The following NREP variants were observed in gnomAD, a reference collection of about 807,000 sequenced individuals.
NREP encodes the protein neuronal regeneration related protein, also known as neuronal regeneration-related protein.
In NREP, 5 loss-of-function variants were observed where a neutral mutation model predicts 8.6. The observed-to-expected ratio is 0.58, with a 90% CI of 0.30 to 1.22. The LOEUF (loss-of-function observed/expected upper bound fraction) is 1.22. Ranked by LOEUF, NREP falls within the 50% of genes most tolerant of loss-of-function variation. The pLI, the probability that NREP is intolerant of heterozygous loss-of-function variation, is 0.07. For synonymous variants in NREP, 27 were observed against 28.0 expected, an observed-to-expected ratio of 0.96 and a Z score of 0.11; for missense variants, 86 against 82.5, an observed-to-expected ratio of 1.04 and a Z score of -0.17.
At chr5:111,970,491 C>G (rs1250706648) in intron 2 of NREP, among the ~76,000 whole-genome samples, 1 of 152,098 alleles carries the variant, frequency 6.6e-6, no homozygotes, top group African/African-American at 2.4e-5. Context: ...CCATTCCCCA[C>G]CACCTCATCA....
intron 2 of NREP, among the ~76,000 whole-genome samples, chr5:111,836,771 A>G (rs910410809): frequency 6.6e-6 from 1 of 152,074 alleles, no homozygotes; most frequent in African/African-American, 2.4e-5. Flanking sequence ...AAGACCTGGT[A>G]ACTGAGGAGG....
intron 2 of NREP, among the ~76,000 whole-genome samples, chr5:111,806,209 C>A (rs1051703662): frequency 2.6e-5 from 4 of 152,106 alleles, no homozygotes; most frequent in Admixed American, 6.5e-5. Flanking sequence ...TGTGTCTCTA[C>A]CCTTGTCCCA....
Position 111,964,863 on chromosome 5 carries a change from A to T in NREP, c.135+10411T>A, listed in dbSNP as rs866206796. The stretch of plus-strand genomic sequence containing the variant: ...TAGAATGCTTTCAGCAGCAAAAAAA[A>T]AAAAAAAAAAAAAAAAAAAAAAAAA... On this transcript the variant is annotated intron_variant, in intron 2 of 3. Coordinates refer to the NREP transcript ENST00000395634. 6.9e-4 allele frequency among the ~76,000 whole-genome samples: 74 copies of T among 107,896 alleles called. 1 individual carries two copies. The highest frequency in any genetic ancestry group is 1.3e-3 in the South Asian group (5 of 3,764). 70.8% of individuals were successfully genotyped at this position (107,896 alleles called of 152,430 possible).
chr5:111,867,749 G>C (rs1359786526), intron 2 of NREP, among the ~76,000 whole-genome samples: 1 of 152,100 alleles, frequency 6.6e-6, no homozygotes, highest in Non-Finnish European at 1.5e-5. Context: ...ACCCTTATCT[G>C]ATGCTGTATG....
intron 2 of NREP, among the ~76,000 whole-genome samples, chr5:111,860,029 G>T (rs1753510745): frequency 6.6e-6 from 1 of 152,112 alleles, no homozygotes; most frequent in South Asian, 2.1e-4. Context: ...CTTATTACAT[G>T]CAAGTTGCAT....
chr5:111,867,310 G>A (rs1420608351), intron 2 of NREP, among the ~76,000 whole-genome samples: 1 of 152,106 alleles, frequency 6.6e-6, no homozygotes, highest in Non-Finnish European at 1.5e-5. Flanking sequence ...GTCAGGTTCT[G>A]GCAAAGGCTC....
At chr5:111,878,468 C>T (rs1315506644) in intron 2 of NREP, among the ~76,000 whole-genome samples, 7 of 152,228 alleles carry the variant, frequency 4.6e-5, no homozygotes, top group East Asian at 3.9e-4. Flanking sequence ...AAGAACAGCA[C>T]GGGGGACACT....
At chr5:111,888,069 T>A (rs1016485671) in intron 2 of NREP, among the ~76,000 whole-genome samples, 4 of 152,190 alleles carry the variant, frequency 2.6e-5, no homozygotes, top group African/African-American at 7.2e-5. Context: ...TAGAATGGGA[T>A]CCTGAAGGCT....
At chr5:111,744,233 A>G (rs1282997975) in intron 2 of NREP, among the ~76,000 whole-genome samples, 1 of 152,170 alleles carries the variant, frequency 6.6e-6, no homozygotes, top group Non-Finnish European at 1.5e-5. Flanking sequence ...GCATTTAGCT[A>G]AAGTTATTTC....
chr5:111,942,483 A>G (rs1423810567), intron 2 of NREP, among the ~76,000 whole-genome samples: 1 of 152,056 alleles, frequency 6.6e-6, no homozygotes, highest in African/African-American at 2.4e-5. Flanking sequence ...GCAACATTGC[A>G]GGTGTCTTTT....
At chr5:111,789,082 C>A (rs577396529) in intron 2 of NREP, among the ~76,000 whole-genome samples, 27 of 152,236 alleles carry the variant, frequency 1.8e-4, no homozygotes, top group African/African-American at 6.5e-4. Flanking sequence ...ACTGTGTGAG[C>A]CTATTCCTTA....
intron 2 of NREP, among the ~76,000 whole-genome samples, chr5:111,895,363 T>A (rs1381301105): frequency 6.6e-6 from 1 of 152,158 alleles, no homozygotes; most frequent in African/African-American, 2.4e-5. Flanking sequence ...AACATTTTCT[T>A]CTGTCATGCA....
chr5:111,886,112 A>C (rs1302980383), intron 2 of NREP, among the ~76,000 whole-genome samples: 5 of 152,302 alleles, frequency 3.3e-5, no homozygotes, highest in South Asian at 2.1e-4. Context: ...CAATGAACTC[A>C]AACAAATTTA....
chr5:111,829,262 A>C (rs1752704522), intron 2 of NREP, among the ~76,000 whole-genome samples: 1 of 152,174 alleles, frequency 6.6e-6, no homozygotes, highest in Non-Finnish European at 1.5e-5. Context: ...GAGACCAAAA[A>C]AGGGTTTTCA....
chr5:111,784,689 C>T (rs1561665324), intron 2 of NREP, among the ~76,000 whole-genome samples: 1 of 152,116 alleles, frequency 6.6e-6, no homozygotes, highest in Non-Finnish European at 1.5e-5. Flanking sequence ...GCATTTTTGA[C>T]TCTCCAAGAA....
chr5:111,942,331 G>A (rs748640299), intron 2 of NREP, among the ~76,000 whole-genome samples: 5 of 151,898 alleles, frequency 3.3e-5, no homozygotes, highest in South Asian at 2.1e-4. Flanking sequence ...CATGAGAGTC[G>A]CCTTTCCATC....
At chr5:111,814,923 T>C (rs993893335) in intron 2 of NREP, among the ~76,000 whole-genome samples, 1 of 130,096 alleles carries the variant, frequency 7.7e-6, no homozygotes, top group Non-Finnish European at 1.6e-5. Flanking sequence ...ATATGGAGAA[T>C]ATTAAAAGAA....
At chr5:111,936,976 A>C (rs1755702587) in intron 2 of NREP, among the ~76,000 whole-genome samples, 2 of 152,064 alleles carry the variant, frequency 1.3e-5, no homozygotes, top group Admixed American at 1.3e-4. Flanking sequence ...TAAGGCCCCC[A>C]GAGAAGCATT....
chr5:111,941,259 G>C (rs1400316614), intron 2 of NREP, among the ~76,000 whole-genome samples: 1 of 152,082 alleles, frequency 6.6e-6, no homozygotes, highest in Admixed American at 6.6e-5. Flanking sequence ...ATAATCTAGA[G>C]TATAAAACCT....
Sources: gnomAD v4.1 joint callset for allele counts (sites outside exome capture counted in the v4.1 genomes callset) on GRCh38, gnomAD v4.1.1 for gene constraint, MANE v1.5 for transcripts, NCBI Gene and HGNC (gene_info 2026-07-23, HGNC 2026-07-21) for gene names.